Variants in INSR observed in about 807,000 individuals in gnomAD.
The protein encoded by INSR is insulin receptor.
In INSR, 67 loss-of-function variants were observed where a neutral mutation model predicts 142.6. The observed-to-expected ratio is 0.47, with a 90% CI of 0.39 to 0.58. INSR has a LOEUF of 0.58. Among genes scored for constraint, INSR ranks in the 20% least tolerant of loss-of-function variants. The probability of loss-of-function intolerance (pLI) is 0.00; values close to 1 mark genes in which losing one functional copy is unlikely to be tolerated. For missense variants in INSR, 1,248 were observed against 1,833.2 expected (o/e 0.68, Z 5.83); for synonymous variants, 756 against 743.1 (o/e 1.02, Z -0.28).
intron 2 of INSR, among the ~76,000 whole-genome samples, chr19:7,185,858 A>AAAAAAAAAAAAG (rs1555747112): frequency 1.5e-5 from 2 of 133,976 alleles, no homozygotes; most frequent in Admixed American, 7.4e-5. Context: ...AAAAAAAAAA[A>AAAAAAAAAAAAG]AGAGAGAGAG....
intron 2 of INSR, among the ~76,000 whole-genome samples, chr19:7,200,636 C>G (rs893201051): frequency 6.6e-6 from 1 of 151,636 alleles, no homozygotes; most frequent in Admixed American, 6.6e-5. Flanking sequence ...CCTAGGAGTT[C>G]AAGACCAGCC....
chr19:7,262,061 G>A (rs1380524818), intron 2 of INSR, among the ~76,000 whole-genome samples: 1 of 152,182 alleles, frequency 6.6e-6, no homozygotes, highest in Non-Finnish European at 1.5e-5. Flanking sequence ...AAGACTCTGG[G>A]GGAAAAGAGG....
rs1470710742 is a variant in INSR at position 7,112,909 on chromosome 19, A to G, written c.*4147T>C. On this transcript the variant is annotated 3_prime_UTR_variant, in exon 22 of 22. Transcript: ENST00000302850. The stretch of plus-strand genomic sequence containing the variant: ...CTTTTCATTCCCAACCTCACCTCGC[A>G]TATAAATTAATATTCTGAAGAACAT... The G allele has an allele frequency of 6.6e-6, 1 of 152,078 alleles. No individual in the cohort carries two copies. The highest frequency in any genetic ancestry group is 2.4e-5 in the African/African-American group (1 of 41,404). 9.4% of individuals were successfully genotyped at this position (152,078 alleles called of 1,614,324 possible). A position where few individuals can be genotyped will look rare whatever the true frequency, so the allele number is the denominator to read the frequency against.
Position 7,229,814 on chromosome 19 carries a change from G to A in INSR, c.652+37531C>T, listed in dbSNP as rs533686213. 2.8e-5 allele frequency among the ~76,000 whole-genome samples: 4 copies of A among 145,004 alleles called. No individual in the cohort carries two copies. In the South Asian group the frequency reaches 8.6e-4, roughly 31 times the overall value. On this transcript the variant is annotated intron_variant, in intron 2 of 21. Transcript: ENST00000302850. ...AGGGTCTTGCTCTATTGCCCAGGCT[G>A]GAGTGCAGTGGCACAGTCATGGCTC... is the stretch of plus-strand genomic sequence containing the variant.
intron 2 of INSR, among the ~76,000 whole-genome samples, chr19:7,235,821 T>C (rs1355057731): frequency 6.6e-6 from 1 of 152,094 alleles, no homozygotes; most frequent in Non-Finnish European, 1.5e-5. Flanking sequence ...AGTAAGATCC[T>C]ATCTCTAAAA....
intron 1 of INSR, among the ~76,000 whole-genome samples, chr19:7,287,238 C>A (rs142283530): frequency 0.012 from 1,846 of 150,802 alleles, 39 homozygotes; most frequent in African/African-American, 0.041. Flanking sequence ...CGGCTCACTG[C>A]AACCTCCACC....
At chr19:7,268,491 T>C in intron 1 of INSR, 1 of 985,190 alleles carries the variant, frequency 1.0e-6, no homozygotes, top group South Asian at 4.7e-5. Flanking sequence ...CTGAAGGCGG[T>C]CCCTCCCAGG....
chr19:7,125,403 G>T lies in INSR; in HGVS notation c.3138C>A (p.Ile1046=), dbSNP rs547894016. 1.1e-4 allele frequency: 177 copies of T among 1,614,148 alleles called. 2 individuals are homozygous for T. In the South Asian group the frequency reaches 1.9e-3, roughly 17 times the overall value. Residue 1046 remains isoleucine (I), a synonymous_variant, in exon 17 of 22, where the codon ATC becomes ATA. Coordinates refer to ENST00000302850, the MANE Select transcript of INSR (RefSeq NM_000208.4). This position sits in a 1 kb window ranked among gnomAD's most constrained non-coding sequence, Gnocchi z 4.9. ...CCACGCGGGTCTCTGCCTCACCCTT[G>T]ATGATGTCCCTGGCATTGCCCTCAT... ...MVYEGNARDI[I]KGEAETRVAV...
At chr19:7,208,272 C>T (rs1248462604) in intron 2 of INSR, among the ~76,000 whole-genome samples, 3 of 152,146 alleles carry the variant, frequency 2.0e-5, no homozygotes, top group Non-Finnish European at 4.4e-5. Flanking sequence ...ATCTAAAGAT[C>T]AAAGGTGTTT....
Position 7,202,993 on chromosome 19 carries a change from G to GTTT in INSR, c.653-18357_653-18356insAAA, listed in dbSNP as rs1568484309. Among the ~76,000 whole-genome samples the GTTT allele has an allele frequency of 2.3e-3, 312 of 138,380 alleles. 7 individuals carry two copies. The East Asian group carries it at 0.044, about 20-fold the overall frequency. The allele number at this position is 138,380 out of a possible 152,430, so 90.8% of individuals were successfully genotyped here. On this transcript the variant is annotated intron_variant, in intron 2 of 21. Coordinates refer to ENST00000302850, the MANE Select transcript of INSR (RefSeq NM_000208.4). ...ATGTATTGGTTTGGGGTGGGGTTTT[G>GTTT]TTGTTTTTTTTTTTTTTTTTTCAGA...
intron 2 of INSR, among the ~76,000 whole-genome samples, chr19:7,217,882 C>G (rs1975486244): frequency 1.3e-5 from 2 of 152,126 alleles, no homozygotes; most frequent in African/African-American, 4.8e-5. Flanking sequence ...TTTGTAAAAA[C>G]AAAACAGAAA....
chr19:7,155,406 C>T (rs1353474208), intron 9 of INSR, among the ~76,000 whole-genome samples: 2 of 151,816 alleles, frequency 1.3e-5, no homozygotes, highest in African/African-American at 4.8e-5. Flanking sequence ...CACGTGGTGG[C>T]ACATGCCTGT....
chr19:7,208,640 C>T (rs1227263453), intron 2 of INSR, among the ~76,000 whole-genome samples: 3 of 151,792 alleles, frequency 2.0e-5, no homozygotes, highest in Non-Finnish European at 2.9e-5. Flanking sequence ...GAGGCCCAGG[C>T]GGGTGGATCG....
At position 7,267,520 on chromosome 19, in the gene INSR, G is replaced by A. The variant is rs1360414511; in HGVS notation, c.477C>T (p.Asp159=). Residue 159 remains aspartate, a synonymous_variant, in exon 2 of 22, where the codon GAC becomes GAT. Transcript: ENST00000302850. This position sits in a 1 kb window ranked among gnomAD's most constrained non-coding sequence, Gnocchi z 6.3. The part of the protein sequence containing the change: ...NNELCYLATI[D]WSRILDSVED... ...CCACGGAATCCAGGATACGGGACCAGTCGATAGTGGCCAAGTAACAGAGCT... is the reference window on the plus strand; with the variant it reads ...CCACGGAATCCAGGATACGGGACCAATCGATAGTGGCCAAGTAACAGAGCT... 1 of 1,614,148 alleles carries A rather than the reference G, an allele frequency of 6.2e-7. No homozygotes were observed. The highest frequency in any genetic ancestry group is 8.5e-7 in the Non-Finnish European group (1 of 1,180,028).
At chr19:7,232,767 G>A (rs1038472961) in intron 2 of INSR, among the ~76,000 whole-genome samples, 11 of 151,258 alleles carry the variant, frequency 7.3e-5, no homozygotes, top group African/African-American at 1.7e-4. Flanking sequence ...CCGAGATCCC[G>A]CCACTGCACT....
intron 11 of INSR, among the ~76,000 whole-genome samples, chr19:7,145,091 A>C (rs1011457541): frequency 6.6e-6 from 1 of 152,070 alleles, no homozygotes; most frequent in African/African-American, 2.4e-5. Flanking sequence ...GTGATTCTCC[A>C]AAGAATTGTC....
intron 2 of INSR, among the ~76,000 whole-genome samples, chr19:7,207,949 G>A (rs1327861339): frequency 8.6e-5 from 10 of 116,488 alleles, no homozygotes; most frequent in Non-Finnish European, 1.4e-4. Flanking sequence ...AGGGAAGGAG[G>A]GAGGGAGGGA....
intron 19 of INSR, among the ~76,000 whole-genome samples, chr19:7,121,557 C>A (rs1423735094): frequency 6.6e-6 from 1 of 152,092 alleles, no homozygotes; most frequent in Non-Finnish European, 1.5e-5. Flanking sequence ...GCCTCCACCT[C>A]CTGGGCTCAA....
At chr19:7,278,325 G>T (rs1968118148) in intron 1 of INSR, among the ~76,000 whole-genome samples, 1 of 152,076 alleles carries the variant, frequency 6.6e-6, no homozygotes, top group African/African-American at 2.4e-5. Flanking sequence ...ATGTACCGAG[G>T]ACATCTTTGG....
Sources: gnomAD v4.1 joint callset for allele counts (sites outside exome capture counted in the v4.1 genomes callset) on GRCh38, gnomAD v4.1.1 for gene constraint, Gnocchi (gnomAD v3.1) non-coding constraint, MANE v1.5 for transcripts, NCBI Gene and HGNC (gene_info 2026-07-23, HGNC 2026-07-21) for gene names.